Variants in TBC1D32 observed in about 807,000 individuals in gnomAD.
The protein encoded by TBC1D32 is protein broad-minded.
A neutral mutation model predicts 170.3 loss-of-function variants in TBC1D32; 151 were observed. That is an observed-to-expected ratio of 0.89 (90% CI 0.78 to 1.01). TBC1D32 has a LOEUF of 1.01. TBC1D32 is among the 50% of genes least tolerant of loss of function. The pLI is 0.00. For synonymous variants in TBC1D32, 498 were observed against 488.0 expected (o/e 1.02, Z -0.27); for missense variants, 1,464 against 1,457.1 (o/e 1.00, Z -0.08).
chr6:121,134,513 T>G (rs1488930040), intron 24 of TBC1D32, among the ~76,000 whole-genome samples: 1 of 152,070 alleles, frequency 6.6e-6, no homozygotes, highest in East Asian at 1.9e-4. Flanking sequence ...CCAGTTTAGA[T>G]AGCTGGAAAT....
chr6:121,234,519 T>G (rs1796111200), intron 20 of TBC1D32, among the ~76,000 whole-genome samples: 1 of 152,128 alleles, frequency 6.6e-6, no homozygotes, highest in Admixed American at 6.6e-5. Flanking sequence ...GACTTTCCAG[T>G]GCATTTTGCA....
intron 1 of TBC1D32, among the ~76,000 whole-genome samples, chr6:121,333,318 A>G (rs778701167): frequency 1.8e-4 from 27 of 152,304 alleles, no homozygotes; most frequent in Non-Finnish European, 2.8e-4. Flanking sequence ...AAAGAAAAAC[A>G]TAAGTCTCTA....
At chr6:121,200,036 A>G (rs1791331960) in intron 22 of TBC1D32, among the ~76,000 whole-genome samples, 1 of 151,444 alleles carries the variant, frequency 6.6e-6, no homozygotes, top group Non-Finnish European at 1.5e-5. Flanking sequence ...GTGGGTAAAT[A>G]TAAAATAATA....
chr6:121,097,293 A>G (rs1354281141), intron 30 of TBC1D32, among the ~76,000 whole-genome samples: 2 of 152,202 alleles, frequency 1.3e-5, no homozygotes, highest in East Asian at 3.9e-4. Flanking sequence ...TTTGCAATCT[A>G]TCCATCTGAC....
At chr6:121,129,882 C>G (rs992301430) in intron 25 of TBC1D32, 8 of 450,188 alleles carry the variant, frequency 1.8e-5, no homozygotes, top group African/African-American at 1.6e-4. Flanking sequence ...ATTTTATACT[C>G]TCGATGGTAT....
chr6:121,092,313 T>G (rs1582727604), intron 30 of TBC1D32, among the ~76,000 whole-genome samples: 2 of 145,924 alleles, frequency 1.4e-5, no homozygotes, highest in African/African-American at 5.0e-5. Context: ...TTTTTTTTTT[T>G]TTTTTTTTTT....
rs1014187840 is a variant in TBC1D32 at position 121,128,606 on chromosome 6, G to T, written c.2900-2145C>A. Among the ~76,000 whole-genome samples, 2 of 152,210 alleles carry T rather than the reference G, an allele frequency of 1.3e-5. 1 individual carries two copies. Among genetic ancestry groups the T allele is most frequent in the South Asian group, 4.1e-4 (2 of 4,822 alleles). On this transcript the variant is annotated intron_variant, in intron 25 of 31. Coordinates refer to ENST00000398212, the MANE Select transcript of TBC1D32 (RefSeq NM_152730.6). ...GACAGATCTGGAATTTCTATAGAGG[G>T]TTTTAAATTATGGGCCTTCTCCCTT...
At chr6:121,159,631 G>A (rs1411023898) in intron 24 of TBC1D32, among the ~76,000 whole-genome samples, 6 of 152,020 alleles carry the variant, frequency 3.9e-5, no homozygotes, top group East Asian at 1.9e-4. Flanking sequence ...TAGGCTACAC[G>A]GTGTAGCCTA....
At chr6:121,188,086 T>C (rs889381621) in intron 22 of TBC1D32, among the ~76,000 whole-genome samples, 1 of 152,138 alleles carries the variant, frequency 6.6e-6, no homozygotes, top group African/African-American at 2.4e-5. Context: ...ATGGCTTAAC[T>C]TCTCTGTGTC....
intron 1 of TBC1D32, among the ~76,000 whole-genome samples, chr6:121,323,623 C>T (rs1810055966): frequency 6.6e-6 from 1 of 152,184 alleles, no homozygotes. Context: ...AACAAACCTT[C>T]AACCATGTTG....
chr6:121,147,982 G>A (rs1371991446), intron 24 of TBC1D32, among the ~76,000 whole-genome samples: 1 of 126,666 alleles, frequency 7.9e-6, no homozygotes, highest in African/African-American at 2.7e-5. Flanking sequence ...TGGAATATTT[G>A]TTTGTTGGTT....
intron 17 of TBC1D32, among the ~76,000 whole-genome samples, chr6:121,248,375 C>T (rs1232469623): frequency 6.6e-6 from 1 of 151,758 alleles, no homozygotes; most frequent in Non-Finnish European, 1.5e-5. Context: ...TGAAAGAGCA[C>T]AAATAGACAA....
chr6:121,142,856 T>TTTTA (rs1235689975), intron 24 of TBC1D32, among the ~76,000 whole-genome samples: 1 of 152,136 alleles, frequency 6.6e-6, no homozygotes, highest in Non-Finnish European at 1.5e-5. Flanking sequence ...TAAATTACTA[T>TTTTA]TTTACTACCT....
intron 12 of TBC1D32, among the ~76,000 whole-genome samples, chr6:121,289,938 A>C (rs926842608): frequency 3.3e-5 from 5 of 152,244 alleles, no homozygotes; most frequent in South Asian, 2.1e-4. Flanking sequence ...GGAAAACTGG[A>C]TAGACATATG....
intron 24 of TBC1D32, among the ~76,000 whole-genome samples, chr6:121,138,769 A>G (rs1782425441): frequency 6.6e-6 from 1 of 152,256 alleles, no homozygotes; most frequent in Non-Finnish European, 1.5e-5. Context: ...AAGACAGAAT[A>G]CAAAAGGCTT....
intron 20 of TBC1D32, among the ~76,000 whole-genome samples, chr6:121,225,298 C>T (rs1338650568): frequency 2.6e-5 from 4 of 151,934 alleles, no homozygotes; most frequent in Non-Finnish European, 1.5e-5. Context: ...CCAAAAAATA[C>T]AAGCTAATAA....
chr6:121,154,910 T>C (rs1038156955), intron 24 of TBC1D32, among the ~76,000 whole-genome samples: 2 of 152,318 alleles, frequency 1.3e-5, no homozygotes, highest in African/African-American at 4.8e-5. Context: ...TTTCACCTTA[T>C]AGTATAGTTT....
chr6:121,126,484 T>G, intron 25 of TBC1D32, 23 bp from the exon 26 acceptor site: 1 of 1,550,544 alleles, frequency 6.4e-7, no homozygotes, highest in Non-Finnish European at 8.9e-7. Context: ...AAGGAATAAT[T>G]AGGATATTAA....
At chr6:121,322,609 T>G (rs1352600957) in intron 1 of TBC1D32, among the ~76,000 whole-genome samples, 1 of 152,184 alleles carries the variant, frequency 6.6e-6, no homozygotes, top group Non-Finnish European at 1.5e-5. Context: ...GCAAAACATT[T>G]TCTTGGATGC....
Sources: gnomAD v4.1 joint callset for allele counts (sites outside exome capture counted in the v4.1 genomes callset) on GRCh38, gnomAD v4.1.1 for gene constraint, MANE v1.5 for transcripts, NCBI Gene and HGNC (gene_info 2026-07-23, HGNC 2026-07-21) for gene names.